The following PSME4 variants were observed in gnomAD, a reference collection of about 807,000 sequenced individuals.
PSME4 encodes proteasome activator complex subunit 4.
PSME4 carries 89 observed loss-of-function variants against 253.9 expected under a neutral mutation model. The ratio of observed to expected loss-of-function variants is 0.35; its 90% confidence interval spans 0.30 to 0.42. PSME4 has a LOEUF of 0.42. Ranked by LOEUF, PSME4 falls within the 10% of genes least tolerant of loss-of-function variation. The probability of loss-of-function intolerance (pLI) is 1.00; values close to 1 mark genes in which losing one functional copy is unlikely to be tolerated. For synonymous variants in PSME4, 851 were observed against 759.2 expected, an observed-to-expected ratio of 1.12 and a Z score of -1.99; for missense variants, 2,014 against 2,195.2, an observed-to-expected ratio of 0.92 and a Z score of 1.65.
chr2:53,916,099 TA>T (rs1558679932), intron 20 of PSME4, among the ~76,000 whole-genome samples: 1 of 151,774 alleles, frequency 6.6e-6, no homozygotes, highest in African/African-American at 2.4e-5. Context: ...ATACAAAAAT[TA>T]GCTGCGTGTG....
Position 53,951,449 on chromosome 2 carries a change from C to A in PSME4, c.243-2166G>T, listed in dbSNP as rs562646725. Reference sequence around the variant, plus strand: ...TATCTTCCAGAAATTCTTCAAAATTCTTGGTTCATTAACTCATTTTTATTT... The same window carrying A: ...TATCTTCCAGAAATTCTTCAAAATTATTGGTTCATTAACTCATTTTTATTT... On this transcript the variant is annotated intron_variant, in intron 1 of 46. Transcript: ENST00000404125. 7.9e-5 allele frequency among the ~76,000 whole-genome samples: 12 copies of A among 152,278 alleles called. 1 individual carries two copies. The highest frequency in any genetic ancestry group is 2.9e-4 in the African/African-American group (12 of 41,544).
At chr2:53,906,947 T>A in intron 24 of PSME4, 79 bp from the exon 25 acceptor site, 1 of 1,349,278 alleles carries the variant, frequency 7.4e-7, no homozygotes, top group South Asian at 1.2e-5. Flanking sequence ...AATACCTTAA[T>A]AAGTGGTCAA....
intron 40 of PSME4, 71 bp from the exon 41 acceptor site, chr2:53,885,846 G>T: frequency 1.8e-6 from 2 of 1,093,366 alleles, no homozygotes; most frequent in Non-Finnish European, 2.8e-6. Flanking sequence ...GAACAATATT[G>T]TAATGTTATT....
chr2:53,915,931 C>T (rs1668040059), intron 20 of PSME4, among the ~76,000 whole-genome samples: 1 of 151,938 alleles, frequency 6.6e-6, no homozygotes, highest in African/African-American at 2.4e-5. Context: ...AACAATTAGC[C>T]AGGCATGGTG....
At chr2:53,912,986 T>G (rs918466063) in intron 20 of PSME4, among the ~76,000 whole-genome samples, 13 of 152,244 alleles carry the variant, frequency 8.5e-5, no homozygotes, top group Non-Finnish European at 4.4e-5. Context: ...CTAAAAGCTA[T>G]GTTAACAATA....
rs562120659 is a variant in PSME4, at chr2:53,892,160, A to C, written c.4191+648T>G. On this transcript the variant is annotated intron_variant, in intron 36 of 46. Transcript: ENST00000404125. Reference sequence around the variant, plus strand: ...AATAAAATTGTTTCTTGTAGGCAAAAGTGTTTGCAGTCCTCCTAAAAGGTG... The same window carrying C: ...AATAAAATTGTTTCTTGTAGGCAAACGTGTTTGCAGTCCTCCTAAAAGGTG... 2.6e-5 allele frequency among the ~76,000 whole-genome samples: 4 copies of C among 152,312 alleles called. No individual in the cohort carries two copies. In the South Asian group the frequency reaches 8.3e-4, roughly 32 times the overall value.
In PSME4 at chr2:53,939,960, G is replaced by T; in HGVS notation, c.541C>A (p.Arg181=). 1 of 1,595,328 alleles carries T rather than the reference G, an allele frequency of 6.3e-7. No individual in the cohort carries two copies. Among genetic ancestry groups the T allele is most frequent in the Non-Finnish European group, 8.6e-7 (1 of 1,165,674 alleles). ...ATAAATTGAGAAGCTACTTACGGTC[G>T]GCAGCTTTTCACGAGTGTTTTGAGA... The part of the protein sequence containing the change: ...NILKTLVKSC[R]PYFPADATAE... The change falls in exon 4 of 47, where the codon CGA becomes AGA. Residue 181 remains arginine (R), a synonymous_variant. Transcript: ENST00000404125.
intron 1 of PSME4, among the ~76,000 whole-genome samples, chr2:53,954,787 G>A (rs1241549907): frequency 1.3e-5 from 2 of 151,778 alleles, no homozygotes; most frequent in Non-Finnish European, 2.9e-5. Flanking sequence ...GTTGCAGTGA[G>A]CCAAGACTGT....
chr2:53,962,792 C>G (rs918911766), intron 1 of PSME4, among the ~76,000 whole-genome samples: 1 of 151,966 alleles, frequency 6.6e-6, no homozygotes, highest in Admixed American at 6.6e-5. Flanking sequence ...GCAGGCGGAT[C>G]ATGAGGTCTG....
intron 27 of PSME4, among the ~76,000 whole-genome samples, chr2:53,903,508 C>T (rs1680507823): frequency 6.6e-6 from 1 of 152,044 alleles, no homozygotes; most frequent in Non-Finnish European, 1.5e-5. Context: ...TTTGCCTTAT[C>T]CTGTATAATT....
chr2:53,950,285 CAA>C (rs201124935), intron 1 of PSME4, among the ~76,000 whole-genome samples: 5 of 131,538 alleles, frequency 3.8e-5, no homozygotes, highest in Non-Finnish European at 6.5e-5. Flanking sequence ...TCTTGTCTTC[CAA>C]AAAAAAAAAA....
intron 5 of PSME4, 78 bp downstream of exon 5, chr2:53,937,313 T>C (rs1558702012): frequency 7.8e-7 from 1 of 1,289,600 alleles, no homozygotes; most frequent in East Asian, 2.4e-5. Context: ...ATTTTTCTAG[T>C]TGTTATTGTT....
intron 20 of PSME4, among the ~76,000 whole-genome samples, chr2:53,916,993 A>T (rs577143994): frequency 4.6e-5 from 7 of 151,798 alleles, no homozygotes; most frequent in Non-Finnish European, 8.8e-5. Flanking sequence ...AAAGAACCCT[A>T]AAAATACGTA....
chr2:53,947,631 T>C (rs1266029791), intron 3 of PSME4, among the ~76,000 whole-genome samples: 1 of 151,604 alleles, frequency 6.6e-6, no homozygotes, highest in Non-Finnish European at 1.5e-5. Flanking sequence ...GCATGAACCC[T>C]GGAGGTGGAG....
At chr2:53,899,383 T>A (rs1240246116) in intron 29 of PSME4, among the ~76,000 whole-genome samples, 1 of 152,076 alleles carries the variant, frequency 6.6e-6, no homozygotes, top group African/African-American at 2.4e-5. Flanking sequence ...TAAGATGGTG[T>A]TTTATACCTC....
chr2:53,955,904 A>G (rs895951527), intron 1 of PSME4, among the ~76,000 whole-genome samples: 1 of 152,206 alleles, frequency 6.6e-6, no homozygotes, highest in African/African-American at 2.4e-5. Flanking sequence ...CCTAGGCAAC[A>G]GTGAGACCTT....
intron 8 of PSME4, among the ~76,000 whole-genome samples, chr2:53,933,402 A>AAAAAAAAAAAAC (rs1668946691): frequency 7.3e-6 from 1 of 137,064 alleles, no homozygotes; most frequent in African/African-American, 2.6e-5. Context: ...AAAAAAAAAA[A>AAAAAAAAAAAAC]AGCGTTTCCC....
Position 53,895,695 on chromosome 2 carries a change from G to A in PSME4, c.3730C>T (p.Pro1244Ser), listed in dbSNP as rs1218184550. Residue 1244 changes from proline (P) to serine (S), a missense_variant, in exon 33 of 47, where the codon CCT becomes TCT. Coordinates refer to ENST00000404125, the MANE Select transcript of PSME4 (RefSeq NM_014614.3). The part of the protein sequence containing the change: ...KPTQIIAGDR[P>S]DNHWLHYDSK... ...TCATAATGCAACCAATGATTATCAG[G>A]CCTATCACCAGCAATAATTTGGGTG... 2.5e-6 allele frequency: 4 copies of A among 1,612,414 alleles called. No homozygotes were observed. In the Admixed American group the frequency reaches 6.7e-5, roughly 27 times the overall value.
intron 41 of PSME4, among the ~76,000 whole-genome samples, chr2:53,877,762 C>T (rs1679203371): frequency 6.6e-6 from 1 of 152,100 alleles, no homozygotes; most frequent in African/African-American, 2.4e-5. Context: ...CTCAGAGGAG[C>T]TGACTTAAGT....
Sources: allele counts gnomAD v4.1 joint callset (sites outside exome capture counted in the v4.1 genomes callset), GRCh38; gene constraint gnomAD v4.1.1; transcripts MANE v1.5; gene names NCBI Gene and HGNC (gene_info 2026-07-23, HGNC 2026-07-21).